The following C12orf42 variants were observed in gnomAD, a reference collection of about 807,000 sequenced individuals.
C12orf42 encodes the protein chromosome 12 open reading frame 42.
C12orf42 carries 25 observed loss-of-function variants against 21.6 expected under a neutral mutation model. That is an observed-to-expected ratio of 1.16 (90% confidence interval 0.84 to 1.62). The LOEUF (loss-of-function observed/expected upper bound fraction) is 1.62, where lower values mean the gene tolerates loss of function less well. C12orf42 is among the 40% of genes most tolerant of loss of function. The pLI, the probability that C12orf42 is intolerant of heterozygous loss-of-function variation, is 0.00. For synonymous variants in C12orf42, 174 were observed against 175.0 expected (o/e 0.99, Z 0.05); for missense variants, 483 against 459.3 (o/e 1.05, Z -0.47).
intron 4 of C12orf42, among the ~76,000 whole-genome samples, chr12:103,364,875 C>CT (rs1353463081): frequency 6.6e-6 from 1 of 151,882 alleles, no homozygotes; most frequent in African/African-American, 2.4e-5. Flanking sequence ...CAGAACCAGG[C>CT]AGATTCACAG....
chr12:103,188,440 A>T, the C12orf42 span, among the ~76,000 whole-genome samples: 4 of 152,074 alleles, frequency 2.6e-5, no homozygotes, highest in Middle Eastern at 3.4e-3. Flanking sequence ...CACTTGATTT[A>T]TTGGTGATGT....
the C12orf42 span, among the ~76,000 whole-genome samples, chr12:103,068,485 A>T: frequency 6.6e-6 from 1 of 152,118 alleles, no homozygotes; most frequent in Non-Finnish European, 1.5e-5. Flanking sequence ...TGGACTTGTG[A>T]TGGTTAATAC....
At chr12:103,122,288 C>T in the C12orf42 span, among the ~76,000 whole-genome samples, 1 of 152,172 alleles carries the variant, frequency 6.6e-6, no homozygotes, top group East Asian at 1.9e-4. Flanking sequence ...ATGGCCAATG[C>T]ATTTCAGAAT....
chr12:103,222,238 G>A, the C12orf42 span, among the ~76,000 whole-genome samples: 1 of 151,984 alleles, frequency 6.6e-6, no homozygotes, highest in Non-Finnish European at 1.5e-5. Context: ...GATAAGGGTG[G>A]GGCCGTTTTA....
At chr12:103,088,730 A>G in the C12orf42 span, among the ~76,000 whole-genome samples, 1 of 152,174 alleles carries the variant, frequency 6.6e-6, no homozygotes, top group South Asian at 2.1e-4. Flanking sequence ...TACTTAAGTC[A>G]CTTGCTCTGG....
chr12:103,345,605 T>C (rs2042549710), intron 4 of C12orf42, among the ~76,000 whole-genome samples: 1 of 152,196 alleles, frequency 6.6e-6, no homozygotes, highest in Non-Finnish European at 1.5e-5. Context: ...CTATTAAATA[T>C]GTAGCCAGAG....
chr12:103,554,333 T>C, the C12orf42 span, among the ~76,000 whole-genome samples: 83 of 152,270 alleles, frequency 5.5e-4, 1 homozygote, highest in South Asian at 0.011. Flanking sequence ...AAAGGGATTA[T>C]ATCCAGCTTG....
At chr12:103,163,413 G>A in the C12orf42 span, among the ~76,000 whole-genome samples, 1 of 152,104 alleles carries the variant, frequency 6.6e-6, no homozygotes, top group Non-Finnish European at 1.5e-5. Context: ...TTTCATGTTG[G>A]TTTTATTACC....
intron 4 of C12orf42, among the ~76,000 whole-genome samples, chr12:103,365,143 A>T (rs2044482687): frequency 6.6e-6 from 1 of 152,156 alleles, no homozygotes; most frequent in Non-Finnish European, 1.5e-5. Context: ...AATGTGTTTC[A>T]TACCAGGGAT....
At chr12:103,532,778 T>C in the C12orf42 span, among the ~76,000 whole-genome samples, 2 of 152,210 alleles carry the variant, frequency 1.3e-5, no homozygotes, top group East Asian at 1.9e-4. Flanking sequence ...ACCTACTAAC[T>C]GTATGATGAA....
At chr12:103,341,955 T>C (rs567502345) in intron 4 of C12orf42, among the ~76,000 whole-genome samples, 22 of 152,350 alleles carry the variant, frequency 1.4e-4, no homozygotes, top group African/African-American at 5.1e-4. Flanking sequence ...AATAAATCTT[T>C]TCTTTTCTAC....
the C12orf42 span, among the ~76,000 whole-genome samples, chr12:103,182,460 G>T: frequency 6.6e-6 from 1 of 152,166 alleles, no homozygotes; most frequent in African/African-American, 2.4e-5. Flanking sequence ...AGCAGGAATG[G>T]TAAGGTCAAG....
chr12:103,470,743 C>A (rs554734390), intron 2 of C12orf42, among the ~76,000 whole-genome samples: 8 of 152,256 alleles, frequency 5.3e-5, no homozygotes, highest in Middle Eastern at 3.4e-3. Context: ...AGCACCAATA[C>A]CCTGAGGCCA....
intron 4 of C12orf42, among the ~76,000 whole-genome samples, chr12:103,345,585 G>A (rs1365970452): frequency 6.6e-6 from 1 of 152,078 alleles, no homozygotes; most frequent in Non-Finnish European, 1.5e-5. Flanking sequence ...GACTAATTTT[G>A]CTGATATTCC....
intron 4 of C12orf42, among the ~76,000 whole-genome samples, chr12:103,285,229 C>T (rs932608123): frequency 6.6e-6 from 1 of 152,200 alleles, no homozygotes; most frequent in African/African-American, 2.4e-5. Context: ...ATCCCAGCTC[C>T]TGAAAACCTG....
At chr12:103,208,337 C>G in the C12orf42 span, among the ~76,000 whole-genome samples, 1 of 152,158 alleles carries the variant, frequency 6.6e-6, no homozygotes, top group Non-Finnish European at 1.5e-5. Flanking sequence ...ACACGGCCCC[C>G]CTTTAGATCT....
chr12:103,501,549 T>C, the C12orf42 span, among the ~76,000 whole-genome samples: 1 of 152,286 alleles, frequency 6.6e-6, no homozygotes, highest in African/African-American at 2.4e-5. Flanking sequence ...CAGCACCCTA[T>C]TGCCCTTTCC....
intron 2 of C12orf42, among the ~76,000 whole-genome samples, chr12:103,416,557 C>A (rs2049351456): frequency 6.6e-6 from 1 of 151,726 alleles, no homozygotes. Flanking sequence ...AGCATCCCAC[C>A]CGAGACCACC....
chr12:103,143,415 T>C, the C12orf42 span, among the ~76,000 whole-genome samples: 32 of 152,308 alleles, frequency 2.1e-4, no homozygotes, highest in Non-Finnish European at 4.1e-4. Context: ...ATTCCTAGTC[T>C]TTGTCACTCT....
Sources: gnomAD v4.1 joint callset for allele counts (sites outside exome capture counted in the v4.1 genomes callset) on GRCh38, gnomAD v4.1.1 for gene constraint, MANE v1.5 for transcripts, NCBI Gene and HGNC (gene_info 2026-07-23, HGNC 2026-07-21) for gene names.